TMTC2: variants seen among roughly 807,000 people sequenced by gnomAD.
TMTC2 encodes transmembrane O-mannosyltransferase targeting cadherins 2.
Under a neutral mutation model 82.4 loss-of-function variants are expected in TMTC2, and 43 were observed. That is an observed-to-expected ratio of 0.52 (90% CI 0.41 to 0.67). The LOEUF (loss-of-function observed/expected upper bound fraction) is 0.67. Ranked by LOEUF, TMTC2 falls within the 30% of genes least tolerant of loss-of-function variation. The probability of loss-of-function intolerance (pLI) is 0.00; values close to 1 mark genes in which losing one functional copy is unlikely to be tolerated. For synonymous variants in TMTC2, 408 were observed against 381.9 expected, an observed-to-expected ratio of 1.07 and a Z score of -0.80; for missense variants, 919 against 1,012.4, an observed-to-expected ratio of 0.91 and a Z score of 1.25.
At chr12:82,698,168 C>T (rs1872904056) in intron 1 of TMTC2, among the ~76,000 whole-genome samples, 1 of 152,060 alleles carries the variant, frequency 6.6e-6, no homozygotes, top group Non-Finnish European at 1.5e-5. Flanking sequence ...TTAATAAAAA[C>T]CTTTTTAAGG....
chr12:83,103,668 T>C (rs1884301045), intron 11 of TMTC2, among the ~76,000 whole-genome samples: 1 of 152,154 alleles, frequency 6.6e-6, no homozygotes, highest in African/African-American at 2.4e-5. Context: ...GTGGGACAAA[T>C]ATCCAAACTG....
At chr12:82,873,865 G>T (rs1872340297) in intron 2 of TMTC2, among the ~76,000 whole-genome samples, 2 of 152,206 alleles carry the variant, frequency 1.3e-5, no homozygotes, top group Non-Finnish European at 2.9e-5. Context: ...TTTAAAGCAG[G>T]GAATGAATTT....
At chr12:82,981,033 C>G (rs1352251248) in intron 7 of TMTC2, among the ~76,000 whole-genome samples, 1 of 151,902 alleles carries the variant, frequency 6.6e-6, no homozygotes, top group East Asian at 1.9e-4. Flanking sequence ...TGATAATCTA[C>G]TTAACCTTTA....
intron 1 of TMTC2, among the ~76,000 whole-genome samples, chr12:82,748,871 C>G (rs1369250372): frequency 1.3e-5 from 2 of 152,154 alleles, no homozygotes; most frequent in African/African-American, 4.8e-5. Context: ...GAGCAAAACT[C>G]CATCACAAAA....
chr12:83,030,837 A>G lies in TMTC2; in HGVS notation c.2110A>G (p.Ile704Val), dbSNP rs756292095. 1.3e-5 allele frequency: 21 copies of G among 1,613,646 alleles called. No homozygotes were observed. The highest frequency in any genetic ancestry group is 1.5e-5 in the Non-Finnish European group (18 of 1,179,718). ...GGCTGAAAAGCTCTTCTTGAAGGCTATTGAGCTGGATCCCACCAAAGGAAA... is the reference window on the plus strand; with the variant it reads ...GGCTGAAAAGCTCTTCTTGAAGGCTGTTGAGCTGGATCCCACCAAAGGAAA... ...SEAEKLFLKA[I>V]ELDPTKGNCY... Residue 704 changes from isoleucine to valine, a missense_variant, in exon 9 of 12, where the codon ATT (isoleucine) becomes GTT (valine). Transcript: ENST00000321196.
intron 1 of TMTC2, among the ~76,000 whole-genome samples, chr12:82,841,315 A>C (rs1870321734): frequency 6.6e-6 from 1 of 152,240 alleles, no homozygotes; most frequent in African/African-American, 2.4e-5. Context: ...AAGATTAGAA[A>C]GTACTACAGT....
chr12:83,117,166 C>T (rs930934862), intron 11 of TMTC2, among the ~76,000 whole-genome samples: 6 of 152,166 alleles, frequency 3.9e-5, no homozygotes, highest in Non-Finnish European at 8.8e-5. Context: ...TATCCCAGCA[C>T]CATTTGTTGA....
intron 4 of TMTC2, among the ~76,000 whole-genome samples, chr12:82,939,132 G>A (rs952798980): frequency 4.6e-5 from 7 of 152,036 alleles, no homozygotes; most frequent in Non-Finnish European, 1.0e-4. Context: ...CTAATTACAA[G>A]TGCAGTTGAG....
chr12:82,941,020 G>T (rs1197485120), intron 4 of TMTC2, among the ~76,000 whole-genome samples: 1 of 151,910 alleles, frequency 6.6e-6, no homozygotes, highest in Non-Finnish European at 1.5e-5. Context: ...AAGGAACAAG[G>T]TATCACAAAA....
intron 4 of TMTC2, among the ~76,000 whole-genome samples, chr12:82,938,294 A>G (rs1240416757): frequency 3.9e-5 from 6 of 152,108 alleles, no homozygotes; most frequent in Admixed American, 2.0e-4. Flanking sequence ...TTGAGAGGTT[A>G]CAATGGTCAG....
At chr12:82,687,706 G>A (rs1405829667) in intron 1 of TMTC2, 37 bp downstream of exon 1, 1 of 1,574,582 alleles carries the variant, frequency 6.4e-7, no homozygotes, top group Admixed American at 1.9e-5. Flanking sequence ...GGGCTGCAGG[G>A]GGCACACTCC....
intron 1 of TMTC2, among the ~76,000 whole-genome samples, chr12:82,806,980 C>G (rs1227131025): frequency 6.6e-6 from 1 of 152,120 alleles, no homozygotes; most frequent in Non-Finnish European, 1.5e-5. Flanking sequence ...TTTATGACTC[C>G]TAGCACAGAA....
chr12:82,925,457 C>T (rs931833452), intron 3 of TMTC2, among the ~76,000 whole-genome samples: 2 of 152,086 alleles, frequency 1.3e-5, no homozygotes, highest in Admixed American at 6.6e-5. Context: ...CTAGGTATAG[C>T]GACAGGCATA....
intron 4 of TMTC2, among the ~76,000 whole-genome samples, chr12:82,944,380 C>A (rs1037246384): frequency 6.6e-6 from 1 of 151,730 alleles, no homozygotes; most frequent in Non-Finnish European, 1.5e-5. Context: ...GTCAGGAGAT[C>A]GAGAACATCC....
chr12:83,018,375 C>T (rs1281166623), intron 8 of TMTC2, among the ~76,000 whole-genome samples: 1 of 152,202 alleles, frequency 6.6e-6, no homozygotes, highest in Non-Finnish European at 1.5e-5. Flanking sequence ...GGGAGCCAAA[C>T]AGCATAGCAC....
At chr12:82,732,386 A>T (rs1463470610) in intron 1 of TMTC2, among the ~76,000 whole-genome samples, 1 of 151,900 alleles carries the variant, frequency 6.6e-6, no homozygotes, top group Non-Finnish European at 1.5e-5. Context: ...CCTGTCGCCC[A>T]GGCTGGAGTG....
intron 1 of TMTC2, among the ~76,000 whole-genome samples, chr12:82,842,364 T>G (rs1340496275): frequency 6.6e-6 from 1 of 152,204 alleles, no homozygotes; most frequent in East Asian, 1.9e-4. Context: ...TTCAAATTTT[T>G]TTTTCCTCTG....
intron 7 of TMTC2, among the ~76,000 whole-genome samples, chr12:82,968,593 C>CT (rs1201065871): frequency 6.6e-6 from 1 of 152,088 alleles, no homozygotes; most frequent in Non-Finnish European, 1.5e-5. Context: ...GGATAGGTGT[C>CT]TAAGATTCTT....
chr12:82,895,918 GC>G lies in TMTC2; in HGVS notation c.756del (p.Ser254ProfsTer75). The G allele has an allele frequency of 6.2e-7, 1 of 1,613,914 alleles. No individual in the cohort carries two copies. The highest frequency in any genetic ancestry group is 2.2e-5 in the East Asian group (1 of 44,832). On this transcript the variant is annotated frameshift_variant, in exon 3 of 12. Transcript: ENST00000321196. LOFTEE classifies it high-confidence loss of function. ...RLYWMGNKPPSFSNSDNPAAD... is the reference protein window; with the variant it reads ...RLYWMGNKPPXFSNSDNPAAD... ...TACTGGATGGGAAACAAACCACCAA[GC>G]TTTTCCAACTCGGACAACCCCGCTG...
Sources: allele counts gnomAD v4.1 joint callset (sites outside exome capture counted in the v4.1 genomes callset), GRCh38; gene constraint gnomAD v4.1.1; transcripts MANE v1.5; gene names NCBI Gene and HGNC (gene_info 2026-07-23, HGNC 2026-07-21).